Variants in PPP3CA observed in about 807,000 individuals in gnomAD.
PPP3CA encodes protein phosphatase 3 catalytic subunit alpha.
PPP3CA carries 14 observed loss-of-function variants against 66.5 expected under a neutral mutation model. The ratio of observed to expected loss-of-function variants is 0.21; its 90% CI spans 0.14 to 0.33. The LOEUF (loss-of-function observed/expected upper bound fraction) is 0.33, where lower values mean the gene tolerates loss of function less well. PPP3CA is among the 10% of genes least tolerant of loss of function. PPP3CA has a pLI of 1.00. For synonymous variants in PPP3CA, 232 were observed against 226.2 expected, an observed-to-expected ratio of 1.03 and a Z score of -0.23; for missense variants, 317 against 639.5, an observed-to-expected ratio of 0.50 and a Z score of 5.44.
Position 101,043,557 on chromosome 4 carries a change from TA to T in PPP3CA, c.1157-2992del, listed in dbSNP as rs397973945. On this transcript the variant is annotated intron_variant, in intron 10 of 13. Coordinates refer to ENST00000394854, the MANE Select transcript of PPP3CA (RefSeq NM_000944.5). ...AACACACTCTAGCACTTTTCTTAATTAAAAAAAAAAAAAAACTCTCCTTTTC... is the reference window on the plus strand; with the variant it reads ...AACACACTCTAGCACTTTTCTTAATTAAAAAAAAAAAAAACTCTCCTTTTC... Among the ~76,000 whole-genome samples, 1,136 of 139,172 alleles carry T rather than the reference TA, an allele frequency of 8.2e-3. 12 individuals are homozygous for T. The highest frequency in any genetic ancestry group is 0.02 in the African/African-American group (783 of 38,312). 91.3% of individuals were successfully genotyped at this position (139,172 alleles called of 152,430 possible). A position where few individuals can be genotyped will look rare whatever the true frequency, so the allele number is the denominator to read the frequency against.
rs186641483 is a variant in PPP3CA at position 101,042,531 on chromosome 4, G to A, written c.1157-1965C>T. ...GAGACAGCTGTTCTCAGATCTAGCT[G>A]TTCTGATAATTAAGCAAAACCATGG... On this transcript the variant is annotated intron_variant, in intron 10 of 13. Transcript: ENST00000394854. Among the ~76,000 whole-genome samples, 3 of 152,228 alleles carry A rather than the reference G, an allele frequency of 2.0e-5. No individual in the cohort carries two copies. In the East Asian group the frequency reaches 5.8e-4, roughly 30 times the overall value.
intron 2 of PPP3CA, among the ~76,000 whole-genome samples, chr4:101,145,537 A>G (rs764418235): frequency 2.0e-5 from 3 of 152,202 alleles, no homozygotes; most frequent in Non-Finnish European, 2.9e-5. Flanking sequence ...AGAAAAACAA[A>G]TATCACATAT....
chr4:101,230,715 G>C (rs1167302113), intron 1 of PPP3CA, among the ~76,000 whole-genome samples: 1 of 151,556 alleles, frequency 6.6e-6, no homozygotes, highest in African/African-American at 2.4e-5. Context: ...CCTTCTGCCT[G>C]CATAGGTAAA....
chr4:101,298,223 A>G (rs7682019), intron 1 of PPP3CA, among the ~76,000 whole-genome samples: 8,989 of 152,028 alleles, frequency 0.059, 385 homozygotes, highest in Non-Finnish European at 0.093. Flanking sequence ...AGTCCCTAAG[A>G]TGTAGCCCAA....
chr4:101,146,635 G>C (rs1722978821), intron 2 of PPP3CA, among the ~76,000 whole-genome samples: 1 of 151,954 alleles, frequency 6.6e-6, no homozygotes, highest in Non-Finnish European at 1.5e-5. Context: ...TAGAGATGGG[G>C]TTTCACCATG....
At chr4:101,205,428 G>A (rs1325935503) in intron 1 of PPP3CA, among the ~76,000 whole-genome samples, 3 of 152,042 alleles carry the variant, frequency 2.0e-5, no homozygotes, top group Non-Finnish European at 1.5e-5. Flanking sequence ...GAAATATAAG[G>A]AAGGACTTTA....
intron 1 of PPP3CA, among the ~76,000 whole-genome samples, chr4:101,217,212 GGGCCT>G (rs1222810023): frequency 6.6e-6 from 1 of 151,920 alleles, no homozygotes; most frequent in African/African-American, 2.4e-5. Context: ...TGTGGATTTG[GGGCCT>G]GACTCCACCA....
rs1227684315 is a variant in PPP3CA at position 101,106,474 on chromosome 4, A to G, written c.384+2480T>C. On this transcript the variant is annotated intron_variant, in intron 3 of 13. Transcript: ENST00000394854. Reference sequence around the variant, plus strand: ...GAAAGAGAAAAGAAAAGAAAAGAAAAGAAAAGAAAAGAAAAGAAAAGAAAA... The same window carrying G: ...GAAAGAGAAAAGAAAAGAAAAGAAAGGAAAAGAAAAGAAAAGAAAAGAAAA... 9.9e-5 allele frequency among the ~76,000 whole-genome samples: 6 copies of G among 60,856 alleles called. 1 individual carries two copies. Among genetic ancestry groups the G allele is most frequent in the African/African-American group, 6.4e-4 (6 of 9,392 alleles). The allele number at this position is 60,856 out of a possible 152,430, so 39.9% of individuals were successfully genotyped here. A position where few individuals can be genotyped will look rare whatever the true frequency, so the allele number is the denominator to read the frequency against.
chr4:101,269,572 GT>G (rs1727271450), intron 1 of PPP3CA, among the ~76,000 whole-genome samples: 2 of 100,030 alleles, frequency 2.0e-5, no homozygotes, highest in African/African-American at 3.6e-5. Context: ...GTGTGTGTGT[GT>G]GTGTGTGTGT....
rs750446261 is a variant in PPP3CA, at chr4:101,093,784, G to A, written c.774C>T (p.Tyr258=). The A allele has an allele frequency of 2.5e-6, 4 of 1,608,356 alleles. No individual in the cohort carries two copies. The South Asian group carries it at 4.4e-5, about 18-fold the overall frequency. The change falls in exon 6 of 14, where the codon TAC becomes TAT. Residue 258 remains tyrosine (Y), a synonymous_variant. Transcript: ENST00000394854. Reference sequence around the variant, plus strand: ...AAGTTCTCTATTCTTACCTGTAGAAGTATGAACACCCCCTGACTGTGTTGT... The same window carrying A: ...AAGTTCTCTATTCTTACCTGTAGAAATATGAACACCCCCTGACTGTGTTGT... The part of the protein sequence containing the change: ...FTHNTVRGCS[Y]FYSYPAVCEF...
intron 2 of PPP3CA, among the ~76,000 whole-genome samples, chr4:101,157,092 G>A (rs1252860788): frequency 6.6e-6 from 1 of 152,168 alleles, no homozygotes; most frequent in Non-Finnish European, 1.5e-5. Flanking sequence ...AGGTCGGTTT[G>A]TGAAAGCAAT....
At chr4:101,248,482 A>T (rs1258268269) in intron 1 of PPP3CA, among the ~76,000 whole-genome samples, 6 of 152,186 alleles carry the variant, frequency 3.9e-5, no homozygotes, top group African/African-American at 1.4e-4. Flanking sequence ...TAAAATATTT[A>T]AACATATATA....
chr4:101,293,958 A>T (rs144690277), intron 1 of PPP3CA, among the ~76,000 whole-genome samples: 1 of 152,292 alleles, frequency 6.6e-6, no homozygotes, highest in Non-Finnish European at 1.5e-5. Flanking sequence ...AGGAGGCATT[A>T]TGTAAGGAGA....
chr4:101,262,301 G>A (rs1054922744), intron 1 of PPP3CA, among the ~76,000 whole-genome samples: 1 of 151,984 alleles, frequency 6.6e-6, no homozygotes, highest in African/African-American at 2.4e-5. Context: ...CCTCATCCAA[G>A]ATTGAAATAT....
rs1423247499 is a variant in PPP3CA, at chr4:101,195,913, T to C, written c.259+3A>G. 1.2e-6 allele frequency: 2 copies of C among 1,613,606 alleles called. No individual in the cohort carries two copies. Among genetic ancestry groups the C allele is most frequent in the Admixed American group, 3.3e-5 (2 of 59,984 alleles). On this transcript the variant is annotated splice_donor_region_variant and intron_variant, in intron 2 of 13. Transcript: ENST00000394854. ...GTGGGCAACCTCCCTCCTCAGGACTTACCAGTGACTGGCGCATCAATATCC... is the reference window on the plus strand; with the variant it reads ...GTGGGCAACCTCCCTCCTCAGGACTCACCAGTGACTGGCGCATCAATATCC...
intron 1 of PPP3CA, among the ~76,000 whole-genome samples, chr4:101,225,472 A>G (rs1290719456): frequency 6.6e-6 from 1 of 151,912 alleles, no homozygotes; most frequent in Non-Finnish European, 1.5e-5. Context: ...TTACCAAGAG[A>G]TGATTTAAAA....
intron 2 of PPP3CA, among the ~76,000 whole-genome samples, chr4:101,147,922 A>C (rs1723020092): frequency 6.6e-6 from 1 of 152,132 alleles, no homozygotes. Flanking sequence ...TAACTCCAAA[A>C]TCTGGTCAGT....
chr4:101,256,612 A>G (rs571113259), intron 1 of PPP3CA, among the ~76,000 whole-genome samples: 1 of 152,188 alleles, frequency 6.6e-6, no homozygotes, highest in Admixed American at 6.5e-5. Context: ...ATGACTATTA[A>G]GAAGTCTGAT....
chr4:101,173,696 A>G (rs1723959599), intron 2 of PPP3CA, among the ~76,000 whole-genome samples: 2 of 152,172 alleles, frequency 1.3e-5, no homozygotes, highest in African/African-American at 4.8e-5. Context: ...TTCCTGATTT[A>G]GCTAAATTAA....
Sources: gnomAD v4.1 joint callset for allele counts (sites outside exome capture counted in the v4.1 genomes callset) on GRCh38, gnomAD v4.1.1 for gene constraint, MANE v1.5 for transcripts, NCBI Gene and HGNC (gene_info 2026-07-23, HGNC 2026-07-21) for gene names.